Variants in SHISA6 observed in about 807,000 individuals in gnomAD.
SHISA6 encodes the protein protein shisa-6.
SHISA6 carries 22 observed loss-of-function variants against 47.9 expected under a neutral mutation model. The ratio of observed to expected loss-of-function variants is 0.46; its 90% confidence interval spans 0.33 to 0.66. The LOEUF (loss-of-function observed/expected upper bound fraction) is 0.66. Among genes scored for constraint, SHISA6 ranks in the 30% least tolerant of loss-of-function variants. The pLI, the probability that SHISA6 is intolerant of heterozygous loss-of-function variation, is 0.02. For synonymous variants in SHISA6, 388 were observed against 337.8 expected (o/e 1.15, Z -1.63); for missense variants, 680 against 764.6 (o/e 0.89, Z 1.30).
intron 3 of SHISA6, among the ~76,000 whole-genome samples, chr17:11,485,325 T>TG (rs889858699): frequency 1.3e-5 from 2 of 151,982 alleles, no homozygotes; most frequent in Non-Finnish European, 2.9e-5. Context: ...CTCTGGGGAA[T>TG]GGGGGGCGGT....
At chr17:11,474,338 T>C (rs923099792) in intron 3 of SHISA6, among the ~76,000 whole-genome samples, 9 of 152,092 alleles carry the variant, frequency 5.9e-5, no homozygotes, top group African/African-American at 2.2e-4. Context: ...TTTTTTCATG[T>C]TTGTTGGCCA....
chr17:11,548,417 A>C (rs1057496528), intron 3 of SHISA6, among the ~76,000 whole-genome samples: 2 of 147,960 alleles, frequency 1.4e-5, no homozygotes, highest in African/African-American at 5.0e-5. Flanking sequence ...AAAAATACAA[A>C]TGTTATTTAT....
At chr17:11,493,926 A>G (rs1373902094) in intron 3 of SHISA6, among the ~76,000 whole-genome samples, 1 of 147,998 alleles carries the variant, frequency 6.8e-6, no homozygotes. Flanking sequence ...TTTTTTTTTG[A>G]CTTGTTCTTT....
In SHISA6 at chr17:11,463,898, T is replaced by C. The variant is rs190230583; in HGVS notation, c.895+84389T>C. Among the ~76,000 whole-genome samples the C allele has an allele frequency of 2.0e-5, 3 of 152,292 alleles. No individual in the cohort carries two copies. The East Asian group carries it at 5.8e-4, about 29-fold the overall frequency. ...TATTTGGAAAAGAAGTGTTGAATTT[T>C]AGATTGTGCAGAAGGTTTTTTTTGT... On this transcript the variant is annotated intron_variant, in intron 3 of 5. Transcript: ENST00000441885.
chr17:11,386,836 T>C (rs1406460228), intron 3 of SHISA6, among the ~76,000 whole-genome samples: 3 of 152,060 alleles, frequency 2.0e-5, no homozygotes, highest in Admixed American at 1.3e-4. Context: ...CCATCAGCTG[T>C]AAGTGAGGGG....
intron 3 of SHISA6, among the ~76,000 whole-genome samples, chr17:11,496,404 G>A (rs192165695): frequency 6.6e-6 from 1 of 152,328 alleles, no homozygotes; most frequent in Non-Finnish European, 1.5e-5. Flanking sequence ...AAACTGTGAA[G>A]CTTAGGGTTT....
intron 5 of SHISA6, among the ~76,000 whole-genome samples, chr17:11,556,245 G>A (rs1334948070): frequency 2.0e-5 from 3 of 152,094 alleles, no homozygotes; most frequent in Non-Finnish European, 2.9e-5. Context: ...ACCCTATACT[G>A]GATAGAGGCT....
chr17:11,374,920 C>T lies in SHISA6; in HGVS notation c.800-4494C>T, dbSNP rs144229339. Among the ~76,000 whole-genome samples, 811 of 152,118 alleles carry T rather than the reference C, an allele frequency of 5.3e-3. 6 individuals are homozygous for T. The highest frequency in any genetic ancestry group is 0.016 in the African/African-American group (680 of 41,504). On this transcript the variant is annotated intron_variant, in intron 2 of 5. Transcript: ENST00000441885. ...TTCATTTCGCATTTGAGGACACAGACACACAGAGGTTTGAATCTTGTCAGT... is the reference window on the plus strand; with the variant it reads ...TTCATTTCGCATTTGAGGACACAGATACACAGAGGTTTGAATCTTGTCAGT...
chr17:11,513,538 A>G lies in SHISA6; in HGVS notation c.896-38358A>G, dbSNP rs1597561594. ...TCAACCTATGTCACATCTCTGGGTA[A>G]CAGATTCTGGAAGCTGACTTGCATA... On this transcript the variant is annotated intron_variant, in intron 3 of 5. Transcript: ENST00000441885. 2.0e-5 allele frequency among the ~76,000 whole-genome samples: 3 copies of G among 152,234 alleles called. No homozygotes were observed. The East Asian group carries it at 5.8e-4, about 29-fold the overall frequency.
intron 3 of SHISA6, among the ~76,000 whole-genome samples, chr17:11,449,687 G>T (rs147688661): frequency 2.0e-4 from 31 of 152,278 alleles, no homozygotes; most frequent in Admixed American, 1.7e-3. Flanking sequence ...TTAACAAAAA[G>T]ATACATTCAT....
intron 3 of SHISA6, among the ~76,000 whole-genome samples, chr17:11,482,854 C>G (rs186709961): frequency 3.3e-3 from 503 of 152,100 alleles, no homozygotes; most frequent in Non-Finnish European, 5.7e-3. Context: ...TGACTGTCAT[C>G]ATCATAAAAA....
chr17:11,383,383 G>A (rs1440407508), intron 3 of SHISA6, among the ~76,000 whole-genome samples: 3 of 152,188 alleles, frequency 2.0e-5, no homozygotes, highest in Non-Finnish European at 4.4e-5. Context: ...TAGTTCATGG[G>A]TAATTAAATA....
intron 3 of SHISA6, among the ~76,000 whole-genome samples, chr17:11,503,061 T>G (rs1288632146): frequency 6.6e-6 from 1 of 152,200 alleles, no homozygotes; most frequent in Admixed American, 6.5e-5. Context: ...AAGATGCTAG[T>G]AAAACTCACC....
chr17:11,361,599 T>G (rs947254573), intron 2 of SHISA6, among the ~76,000 whole-genome samples: 7 of 152,208 alleles, frequency 4.6e-5, no homozygotes, highest in African/African-American at 1.7e-4. Context: ...GTTTTAGATG[T>G]TTTGCTTACC....
At chr17:11,502,317 G>C (rs1266937368) in intron 3 of SHISA6, among the ~76,000 whole-genome samples, 1 of 148,816 alleles carries the variant, frequency 6.7e-6, no homozygotes, top group African/African-American at 2.5e-5. Flanking sequence ...GCTGAGGCAG[G>C]AGAATGGCGT....
rs374485361 is a variant in SHISA6, at chr17:11,542,286, A to C, written c.896-9610A>C. Among the ~76,000 whole-genome samples, 186 of 151,666 alleles carry C rather than the reference A, an allele frequency of 1.2e-3. 6 individuals are homozygous for C. The South Asian group carries it at 0.037, about 30-fold the overall frequency. Reference sequence around the variant, plus strand: ...ATAAATGGCTGACTCCTCAACCAAAACAACAATGGCCAGAGGCAGTTGGGA... The same window carrying C: ...ATAAATGGCTGACTCCTCAACCAAACCAACAATGGCCAGAGGCAGTTGGGA... On this transcript the variant is annotated intron_variant, in intron 3 of 5. Transcript: ENST00000441885.
chr17:11,476,449 T>G (rs921645774), intron 3 of SHISA6, among the ~76,000 whole-genome samples: 3 of 152,082 alleles, frequency 2.0e-5, no homozygotes, highest in African/African-American at 7.2e-5. Context: ...CTGCTTTTGC[T>G]GAATCCCACA....
At chr17:11,499,683 C>CTTTTTTTTTTTTTTT (rs372464937) in intron 3 of SHISA6, among the ~76,000 whole-genome samples, 20 of 127,490 alleles carry the variant, frequency 1.6e-4, no homozygotes, top group Non-Finnish European at 2.4e-4. Context: ...CTTTTTCTTT[C>CTTTTTTTTTTTTTTT]TTTTTTTTTT....
chr17:11,368,713 G>A (rs1912532694), intron 2 of SHISA6, among the ~76,000 whole-genome samples: 1 of 152,122 alleles, frequency 6.6e-6, no homozygotes, highest in African/African-American at 2.4e-5. Flanking sequence ...CTGGAGTGCA[G>A]TGGCACAGTC....
Sources: gnomAD v4.1 joint callset for allele counts (sites outside exome capture counted in the v4.1 genomes callset) on GRCh38, gnomAD v4.1.1 for gene constraint, MANE v1.5 for transcripts, NCBI Gene and HGNC (gene_info 2026-07-23, HGNC 2026-07-21) for gene names.